BMAL2: variants seen among roughly 807,000 people sequenced by gnomAD.
BMAL2 encodes the protein basic helix-loop-helix ARNT-like protein 2.
the BMAL2 span, among the ~76,000 whole-genome samples, chr12:27,343,271 C>T: frequency 6.6e-6 from 1 of 152,168 alleles, no homozygotes; most frequent in Non-Finnish European, 1.5e-5. Flanking sequence ...TGTCCTGCTT[C>T]CTTTTTTAAA....
the BMAL2 span, chr12:27,385,516 C>G: frequency 6.2e-7 from 1 of 1,606,872 alleles, no homozygotes; most frequent in Non-Finnish European, 8.5e-7. Flanking sequence ...TAATTATAGA[C>G]CATCATTTCT....
At chr12:27,383,880 G>A in the BMAL2 span, among the ~76,000 whole-genome samples, 2 of 152,142 alleles carry the variant, frequency 1.3e-5, no homozygotes, top group Non-Finnish European at 2.9e-5. Context: ...TGAGAAAACT[G>A]TACTGAATCA....
the BMAL2 span, chr12:27,403,442 G>A: frequency 1.9e-6 from 3 of 1,597,938 alleles, no homozygotes; most frequent in Non-Finnish European, 2.6e-6. Context: ...GAATCCTCTA[G>A]ACAGTCCTGT....
At chr12:27,389,826 C>A in the BMAL2 span, 5 of 281,444 alleles carry the variant, frequency 1.8e-5, no homozygotes, top group Non-Finnish European at 3.2e-5. Flanking sequence ...ATTTTTATTT[C>A]ATTTCACTTA....
the BMAL2 span, among the ~76,000 whole-genome samples, chr12:27,407,419 A>G: frequency 2.6e-5 from 4 of 152,256 alleles, no homozygotes; most frequent in Non-Finnish European, 4.4e-5. Context: ...CAATCAAACT[A>G]GAACTCAGGA....
chr12:27,416,709 G>A, the BMAL2 span, among the ~76,000 whole-genome samples: 1 of 152,174 alleles, frequency 6.6e-6, no homozygotes, highest in Non-Finnish European at 1.5e-5. Flanking sequence ...TATAATCCCA[G>A]CTACTCAGGA....
At chr12:27,401,627 T>G in the BMAL2 span, 2 of 1,611,226 alleles carry the variant, frequency 1.2e-6, no homozygotes, top group Non-Finnish European at 1.7e-6. Context: ...TCACAAATCC[T>G]TGGACAAAAG....
chr12:27,386,505 A>G, the BMAL2 span, among the ~76,000 whole-genome samples: 1 of 152,302 alleles, frequency 6.6e-6, no homozygotes, highest in East Asian at 1.9e-4. Flanking sequence ...AACTATAACA[A>G]GGTGTACAGT....
the BMAL2 span, among the ~76,000 whole-genome samples, chr12:27,351,074 G>A: frequency 1.1e-4 from 16 of 142,110 alleles, no homozygotes; most frequent in Non-Finnish European, 1.8e-4. Context: ...CTTCAGCCTC[G>A]TCCTCCTATG....
At chr12:27,355,603 A>G in the BMAL2 span, among the ~76,000 whole-genome samples, 2 of 152,246 alleles carry the variant, frequency 1.3e-5, no homozygotes, top group South Asian at 4.1e-4. Context: ...GAACTTCTAC[A>G]TACTTCCCTG....
At chr12:27,419,293 A>G in the BMAL2 span, among the ~76,000 whole-genome samples, 2 of 152,252 alleles carry the variant, frequency 1.3e-5, no homozygotes, top group East Asian at 3.8e-4. Context: ...AACAGAAATT[A>G]TTTGGCTCAC....
the BMAL2 span, chr12:27,403,586 T>C: frequency 8.1e-7 from 1 of 1,238,524 alleles, no homozygotes; most frequent in Non-Finnish European, 1.2e-6. Context: ...AAAAATATCA[T>C]ATTTATAAAA....
the BMAL2 span, among the ~76,000 whole-genome samples, chr12:27,363,608 T>G: frequency 6.6e-6 from 1 of 152,222 alleles, no homozygotes; most frequent in East Asian, 1.9e-4. Flanking sequence ...CTGGAATTTC[T>G]TTTATGAAGT....
the BMAL2 span, among the ~76,000 whole-genome samples, chr12:27,375,241 A>G: frequency 6.6e-6 from 1 of 152,212 alleles, no homozygotes; most frequent in African/African-American, 2.4e-5. Context: ...ATCCTAGAGT[A>G]TAATTCAAGA....
chr12:27,334,875 C>T, the BMAL2 span, among the ~76,000 whole-genome samples: 1 of 152,204 alleles, frequency 6.6e-6, no homozygotes, highest in African/African-American at 2.4e-5. Flanking sequence ...TAGGTAGTAT[C>T]TCCATTTCAC....
the BMAL2 span, chr12:27,389,047 A>G: frequency 5.6e-6 from 4 of 716,402 alleles, no homozygotes; most frequent in South Asian, 4.8e-5. Context: ...TTCATGTCAC[A>G]CAGTGTCGTG....
the BMAL2 span, among the ~76,000 whole-genome samples, chr12:27,394,935 A>C: frequency 3.9e-5 from 6 of 152,232 alleles, no homozygotes; most frequent in African/African-American, 1.4e-4. Context: ...CCAGAAAGAC[A>C]GCCCTCACCA....
the BMAL2 span, among the ~76,000 whole-genome samples, chr12:27,401,876 A>G: frequency 1.5e-3 from 230 of 152,340 alleles, 1 homozygote; most frequent in Non-Finnish European, 2.4e-3. Context: ...TTTCTGTAAT[A>G]CATTCCTTCT....
At chr12:27,414,479 C>G in the BMAL2 span, among the ~76,000 whole-genome samples, 3 of 152,076 alleles carry the variant, frequency 2.0e-5, no homozygotes, top group Non-Finnish European at 2.9e-5. Context: ...TGGTAAGAAA[C>G]TAGAAGTCAG....
Sources: allele counts gnomAD v4.1 joint callset (sites outside exome capture counted in the v4.1 genomes callset), GRCh38; gene constraint gnomAD v4.1.1; transcripts MANE v1.5; gene names NCBI Gene and HGNC (gene_info 2026-07-23, HGNC 2026-07-21).